SLC4A4: variants seen among roughly 807,000 people sequenced by gnomAD.
The protein encoded by SLC4A4 is electrogenic sodium bicarbonate cotransporter 1.
A neutral mutation model predicts 111.5 loss-of-function variants in SLC4A4; 27 were observed. The ratio of observed to expected loss-of-function variants is 0.24; its 90% CI spans 0.18 to 0.33. SLC4A4 has a LOEUF of 0.33. SLC4A4 is among the 10% of genes least tolerant of loss of function. The pLI is 1.00. For synonymous variants in SLC4A4, 443 were observed against 463.4 expected, an observed-to-expected ratio of 0.96 and a Z score of 0.57; for missense variants, 909 against 1,315.5, an observed-to-expected ratio of 0.69 and a Z score of 4.78.
intron 14 of SLC4A4, among the ~76,000 whole-genome samples, chr4:71,480,392 C>G (rs920257454): frequency 6.6e-6 from 1 of 151,028 alleles, no homozygotes; most frequent in African/African-American, 2.4e-5. Flanking sequence ...AAAAGAAAAA[C>G]TTACTACTGA....
At chr4:71,258,034 T>C (rs574834250) in intron 3 of SLC4A4, among the ~76,000 whole-genome samples, 38 of 152,336 alleles carry the variant, frequency 2.5e-4, no homozygotes, top group African/African-American at 7.0e-4. Context: ...AGAGGCACCA[T>C]TGATCATCAT....
intron 2 of SLC4A4, among the ~76,000 whole-genome samples, chr4:71,123,987 G>C (rs1381905093): frequency 6.6e-6 from 1 of 152,118 alleles, no homozygotes; most frequent in Non-Finnish European, 1.5e-5. Context: ...GGCTCACTAG[G>C]ATTTTAATTA....
At chr4:71,205,618 A>G (rs1438373086) in intron 1 of SLC4A4, among the ~76,000 whole-genome samples, 1 of 152,168 alleles carries the variant, frequency 6.6e-6, no homozygotes, top group East Asian at 1.9e-4. Flanking sequence ...TGGGGCATAC[A>G]CACAAATATT....
At chr4:71,157,841 A>G (rs2148975891) in intron 2 of SLC4A4, among the ~76,000 whole-genome samples, 1 of 152,318 alleles carries the variant, frequency 6.6e-6, no homozygotes, top group East Asian at 1.9e-4. Flanking sequence ...CATCTCTAAC[A>G]AGGAAAGCAA....
intron 3 of SLC4A4, among the ~76,000 whole-genome samples, chr4:71,334,182 G>A (rs1473367779): frequency 7.2e-5 from 11 of 152,198 alleles, no homozygotes; most frequent in African/African-American, 2.6e-4. Flanking sequence ...TACTTCCTGG[G>A]TACCCTTGAT....
chr4:71,406,410 A>T (rs528467525), intron 7 of SLC4A4, among the ~76,000 whole-genome samples: 1 of 152,060 alleles, frequency 6.6e-6, no homozygotes, highest in African/African-American at 2.4e-5. Flanking sequence ...GAGTAAGTTT[A>T]TGAAGAGGTC....
chr4:71,089,051 T>C (rs567007107), intron 1 of SLC4A4, among the ~76,000 whole-genome samples: 2 of 152,224 alleles, frequency 1.3e-5, no homozygotes, highest in East Asian at 1.9e-4. Flanking sequence ...CAGTCAGAGG[T>C]AGATTTGGTC....
At chr4:71,381,957 C>T (rs1183362984) in intron 6 of SLC4A4, among the ~76,000 whole-genome samples, 1 of 152,024 alleles carries the variant, frequency 6.6e-6, no homozygotes, top group African/African-American at 2.4e-5. Context: ...ACGTAGAGAC[C>T]GTCGAGGAGG....
chr4:71,545,551 ATATT>A (rs1174541737), intron 18 of SLC4A4, among the ~76,000 whole-genome samples: 5 of 151,994 alleles, frequency 3.3e-5, no homozygotes, highest in African/African-American at 9.7e-5. Context: ...ACATTTAACA[ATATT>A]TATTTAATGA....
At chr4:71,314,326 T>G (rs1443141856) in intron 3 of SLC4A4, among the ~76,000 whole-genome samples, 5 of 151,906 alleles carry the variant, frequency 3.3e-5, no homozygotes. Flanking sequence ...GTTGGTGGAG[T>G]GTAAATTAGT....
chr4:71,547,803 A>G (rs566958255), intron 20 of SLC4A4, 83 bp downstream of exon 20: 1 of 1,187,942 alleles, frequency 8.4e-7, no homozygotes, highest in South Asian at 1.2e-5. Flanking sequence ...TCCTCATGAG[A>G]TATTTGCGAG....
intron 1 of SLC4A4, among the ~76,000 whole-genome samples, chr4:71,083,137 G>A (rs1267048197): frequency 6.6e-6 from 1 of 152,032 alleles, no homozygotes; most frequent in African/African-American, 2.4e-5. Flanking sequence ...GCAGGCGTGA[G>A]CCACCATGCT....
intron 2 of SLC4A4, among the ~76,000 whole-genome samples, chr4:71,174,890 G>A (rs543653911): frequency 5.9e-5 from 9 of 152,206 alleles, no homozygotes; most frequent in East Asian, 5.8e-4. Context: ...ATTTCCTTCC[G>A]AAAATCTTTT....
At chr4:71,449,786 A>G (rs1473455071) in intron 9 of SLC4A4, among the ~76,000 whole-genome samples, 2 of 152,236 alleles carry the variant, frequency 1.3e-5, no homozygotes, top group African/African-American at 4.8e-5. Flanking sequence ...ATCTGCATAA[A>G]AGATATGAAG....
At chr4:71,246,432 A>G (rs543162475) in intron 2 of SLC4A4, among the ~76,000 whole-genome samples, 1 of 152,318 alleles carries the variant, frequency 6.6e-6, no homozygotes, top group South Asian at 2.1e-4. Flanking sequence ...AACTAGGAGA[A>G]GCACCTGGAA....
chr4:71,485,984 G>A (rs1385443365), intron 14 of SLC4A4, among the ~76,000 whole-genome samples: 1 of 151,456 alleles, frequency 6.6e-6, no homozygotes, highest in African/African-American at 2.4e-5. Flanking sequence ...GGTTTATATA[G>A]GCAGGACTTG....
At chr4:71,508,089 G>T (rs1249655025) in intron 16 of SLC4A4, among the ~76,000 whole-genome samples, 7 of 152,150 alleles carry the variant, frequency 4.6e-5, no homozygotes, top group Non-Finnish European at 1.0e-4. Flanking sequence ...CTAAAACAGT[G>T]TTAAGAGGGA....
At chr4:71,141,386 A>G (rs1743991450) in intron 2 of SLC4A4, among the ~76,000 whole-genome samples, 1 of 152,114 alleles carries the variant, frequency 6.6e-6, no homozygotes, top group African/African-American at 2.4e-5. Context: ...TTTAAGGCTC[A>G]TTTTCCACTA....
intron 2 of SLC4A4, among the ~76,000 whole-genome samples, chr4:71,251,853 C>T (rs1721091591): frequency 6.6e-6 from 1 of 151,898 alleles, no homozygotes; most frequent in African/African-American, 2.4e-5. Flanking sequence ...TTTTTTTTAG[C>T]CTAAAAAGTT....
Sources: allele counts gnomAD v4.1 joint callset (sites outside exome capture counted in the v4.1 genomes callset), GRCh38; gene constraint gnomAD v4.1.1; transcripts MANE v1.5; gene names NCBI Gene and HGNC (gene_info 2026-07-23, HGNC 2026-07-21).